Variants in CASTOR2 observed in about 807,000 individuals in gnomAD.
CASTOR2 encodes cytosolic arginine sensor for mTORC1 subunit 2.
Under a neutral mutation model 31.2 loss-of-function variants are expected in CASTOR2, and 8 were observed. The observed-to-expected ratio is 0.26, with a 90% CI of 0.15 to 0.46. The LOEUF is 0.46. CASTOR2 is among the 20% of genes least tolerant of loss of function. The pLI is 0.99. For synonymous variants in CASTOR2, 162 were observed against 158.7 expected, an observed-to-expected ratio of 1.02 and a Z score of -0.16; for missense variants, 216 against 382.1, an observed-to-expected ratio of 0.57 and a Z score of 3.62.
At chr7:75,014,909 G>A (rs1205720411) in intron 2 of CASTOR2, among the ~76,000 whole-genome samples, 2 of 152,212 alleles carry the variant, frequency 1.3e-5, no homozygotes, top group Non-Finnish European at 2.9e-5. Context: ...AGCCGCTTCC[G>A]CTGGGGAGGA....
intron 1 of CASTOR2, among the ~76,000 whole-genome samples, chr7:74,990,535 T>C (rs1319801836): frequency 8.1e-6 from 1 of 123,130 alleles, no homozygotes; most frequent in Non-Finnish European, 1.7e-5. Context: ...TTGTGCAACA[T>C]AGTGAGACCC....
At chr7:74,977,050 G>T (rs1473107014) in intron 1 of CASTOR2, among the ~76,000 whole-genome samples, 1 of 151,168 alleles carries the variant, frequency 6.6e-6, no homozygotes. Context: ...CTGATGTGGT[G>T]GTGGGCGCCT....
At chr7:75,017,820 C>T (rs1804900005) in intron 3 of CASTOR2, 29 bp downstream of exon 3, 1 of 1,613,814 alleles carries the variant, frequency 6.2e-7, no homozygotes, top group Non-Finnish European at 8.5e-7. Flanking sequence ...ACACGCCTTG[C>T]ACACTCATGC....
rs1445419315 is a variant in CASTOR2, at chr7:75,029,424, A to G, written c.*4725A>G. On this transcript the variant is annotated 3_prime_UTR_variant, in exon 9 of 9. Transcript: ENST00000616305. ...AGTGGTGCGATCTCGGTTCGCTGCA[A>G]CCTCTGCTTCCCAGGTTCAAGTGAT... 6.8e-6 allele frequency among the ~76,000 whole-genome samples: 1 copy of G among 147,932 alleles called. No homozygotes were observed. Among genetic ancestry groups the G allele is most frequent in the Non-Finnish European group, 1.5e-5 (1 of 66,944 alleles).
intron 1 of CASTOR2, among the ~76,000 whole-genome samples, chr7:74,998,524 A>G (rs1414363776): frequency 1.3e-5 from 2 of 151,716 alleles, no homozygotes; most frequent in African/African-American, 4.8e-5. Flanking sequence ...AATCGCTTGA[A>G]CATGGGAGAC....
chr7:74,997,024 C>T (rs1268061401), intron 1 of CASTOR2, among the ~76,000 whole-genome samples: 4 of 150,016 alleles, frequency 2.7e-5, no homozygotes, highest in East Asian at 2.0e-4. Context: ...CATGAGCCAC[C>T]GCGCCCAGCC....
In CASTOR2 at chr7:75,024,948, C is replaced by A. The variant is rs896121106; in HGVS notation, c.*249C>A. ...CGACCTTTCTCTTCCCTACCTCCCC[C>A]ACCCCGGAAAATGCTTTCGGAGGCC... On this transcript the variant is annotated 3_prime_UTR_variant, in exon 9 of 9. Coordinates refer to ENST00000616305, the MANE Select transcript of CASTOR2 (RefSeq NM_001145064.3). 8.1e-3 allele frequency: 7,000 copies of A among 869,102 alleles called. 361 individuals are homozygous for A. In the African/African-American group the frequency reaches 0.1, roughly 13 times the overall value. 53.8% of individuals were successfully genotyped at this position (869,102 alleles called of 1,614,324 possible).
At chr7:74,992,228 C>T (rs1804229104) in intron 1 of CASTOR2, among the ~76,000 whole-genome samples, 2 of 152,018 alleles carry the variant, frequency 1.3e-5, no homozygotes, top group African/African-American at 4.8e-5. Flanking sequence ...CTGGCAGATC[C>T]CATCCCTTCT....
chr7:74,986,556 G>A (rs1423558436), intron 1 of CASTOR2, among the ~76,000 whole-genome samples: 1 of 151,762 alleles, frequency 6.6e-6, no homozygotes, highest in Non-Finnish European at 1.5e-5. Flanking sequence ...TGTTGCAGAA[G>A]GTTCCCATAT....
At chr7:74,984,229 A>T (rs1483989991) in intron 1 of CASTOR2, among the ~76,000 whole-genome samples, 1 of 149,906 alleles carries the variant, frequency 6.7e-6, no homozygotes, top group Non-Finnish European at 1.5e-5. Context: ...ATTGAGACTG[A>T]TAGAAGCAAC....
rs1399269474 is a variant in CASTOR2 at position 74,964,715 on chromosome 7, C to CGCGCCGG, written c.-264_-258dup. On this transcript the variant is annotated 5_prime_UTR_variant, in exon 1 of 9. Coordinates refer to ENST00000616305, the MANE Select transcript of CASTOR2 (RefSeq NM_001145064.3). ...GTTACAGCGAACACCAGCTGCTCCC[C>CGCGCCGG]GCGCCGGGCGCCGCGCGCCGCTGCT... is the stretch of plus-strand genomic sequence containing the variant. The CGCGCCGG allele has an allele frequency of 8.5e-6, 1 of 117,566 alleles. No individual in the cohort carries two copies. The highest frequency in any genetic ancestry group is 1.8e-5 in the Non-Finnish European group (1 of 56,264). 7.3% of individuals were successfully genotyped at this position (117,566 alleles called of 1,614,324 possible). A position where few individuals can be genotyped will look rare whatever the true frequency, so the allele number is the denominator to read the frequency against.
At chr7:75,024,418 A>C in intron 7 of CASTOR2, 22 bp from the exon 8 acceptor site, 3 of 1,551,482 alleles carry the variant, frequency 1.9e-6, no homozygotes, top group Non-Finnish European at 2.6e-6. Flanking sequence ...ACAGAGGCTA[A>C]GGACGGTCTC....
At chr7:75,017,447 C>CA (rs587661498) in intron 2 of CASTOR2, 151 bp from the exon 3 acceptor site, 17,205 of 772,966 alleles carry the variant, frequency 0.022, no homozygotes, top group Middle Eastern at 0.026. Flanking sequence ...AAGACTGTCT[C>CA]AAAAAAAAAA....
intron 1 of CASTOR2, among the ~76,000 whole-genome samples, chr7:74,993,885 G>A (rs1804274423): frequency 6.6e-6 from 1 of 151,698 alleles, no homozygotes. Context: ...AAAAGGTTTT[G>A]CCAGGCAAGT....
At chr7:74,979,668 T>C (rs1489052388) in intron 1 of CASTOR2, among the ~76,000 whole-genome samples, 1 of 25,632 alleles carries the variant, frequency 3.9e-5, no homozygotes, top group Non-Finnish European at 7.1e-5. Context: ...GCTGAGATCA[T>C]ACGCGTGAGC....
At chr7:74,976,296 A>G (rs2131917389) in intron 1 of CASTOR2, among the ~76,000 whole-genome samples, 1 of 122,232 alleles carries the variant, frequency 8.2e-6, no homozygotes, top group Middle Eastern at 3.6e-3. Context: ...CTGTAATCCC[A>G]GCACTTCAGG....
chr7:75,001,897 A>G (rs1804505797), intron 1 of CASTOR2, among the ~76,000 whole-genome samples: 1 of 152,150 alleles, frequency 6.6e-6, no homozygotes, highest in Admixed American at 6.5e-5. Context: ...CATACTTCAC[A>G]TAGGACTGTG....
At position 75,021,967 on chromosome 7, in the gene CASTOR2, G is replaced by A; in HGVS notation, c.829+11G>A. 6.4e-7 allele frequency: 1 copy of A among 1,551,686 alleles called. No homozygotes were observed. ...AGCCCCTGGGGTTTGGTGAGTCCTGGGGGGATTACATGGGGAATTGAGGGA... is the reference window on the plus strand; with the variant it reads ...AGCCCCTGGGGTTTGGTGAGTCCTGAGGGGATTACATGGGGAATTGAGGGA... On this transcript the variant is annotated intron_variant, in intron 7 of 8. Coordinates refer to ENST00000616305, the MANE Select transcript of CASTOR2 (RefSeq NM_001145064.3).
In CASTOR2 at chr7:74,981,427, C is replaced by T. The variant is rs1554436267; in HGVS notation, c.113+16329C>T. ...AACTCCTAACCTCAGGTGATCCACC[C>T]GCCTCGGCCTCCCAAAGTGCTGGGA... On this transcript the variant is annotated intron_variant, in intron 1 of 8. Coordinates refer to ENST00000616305, the MANE Select transcript of CASTOR2 (RefSeq NM_001145064.3). Among the ~76,000 whole-genome samples, 3 of 143,430 alleles carry T rather than the reference C, an allele frequency of 2.1e-5. 1 individual carries two copies. The highest frequency in any genetic ancestry group is 2.3e-4 in the South Asian group (1 of 4,276). The allele number at this position is 143,430 out of a possible 152,430, so 94.1% of individuals were successfully genotyped here.
Sources: gnomAD v4.1 joint callset for allele counts (sites outside exome capture counted in the v4.1 genomes callset) on GRCh38, gnomAD v4.1.1 for gene constraint, MANE v1.5 for transcripts, NCBI Gene and HGNC (gene_info 2026-07-23, HGNC 2026-07-21) for gene names.